The following EPC1 variants were observed in gnomAD, a reference collection of about 807,000 sequenced individuals.
EPC1 encodes enhancer of polycomb homolog 1.
Under a neutral mutation model 98.4 loss-of-function variants are expected in EPC1, and 12 were observed. The ratio of observed to expected loss-of-function variants is 0.12; its 90% CI spans 0.08 to 0.20. The LOEUF is 0.20. Among genes scored for constraint, EPC1 ranks in the 10% least tolerant of loss-of-function variants. The pLI is 1.00. For missense variants in EPC1, 729 were observed against 990.5 expected (o/e 0.74, Z 3.54); for synonymous variants, 357 against 363.9 (o/e 0.98, Z 0.21).
At chr10:32,359,419 A>C (rs886651605) in intron 1 of EPC1, among the ~76,000 whole-genome samples, 10 of 152,182 alleles carry the variant, frequency 6.6e-5, no homozygotes, top group African/African-American at 1.9e-4. Flanking sequence ...TCTTTCCAAA[A>C]ATTTCTCTAG....
intron 2 of EPC1, among the ~76,000 whole-genome samples, chr10:32,299,207 A>G (rs957417555): frequency 7.9e-5 from 12 of 151,718 alleles, no homozygotes; most frequent in African/African-American, 2.7e-4. Context: ...TTTTTTTGAG[A>G]TGGAATCTCA....
chr10:32,345,708 T>C (rs1468708452), intron 1 of EPC1: 3 of 825,040 alleles, frequency 3.6e-6, no homozygotes, highest in Admixed American at 6.2e-5. Context: ...GATGGTAAAA[T>C]GTCTATTAGT....
At chr10:32,319,432 G>A (rs528536600) in intron 1 of EPC1, among the ~76,000 whole-genome samples, 1 of 152,130 alleles carries the variant, frequency 6.6e-6, no homozygotes, top group Non-Finnish European at 1.5e-5. Context: ...GGAGAAACTG[G>A]ACCATACTTT....
Sources: allele counts gnomAD v4.1 joint callset (sites outside exome capture counted in the v4.1 genomes callset), GRCh38; gene constraint gnomAD v4.1.1; transcripts MANE v1.5; gene names NCBI Gene and HGNC (gene_info 2026-07-23, HGNC 2026-07-21).